VPS13C: variants seen among roughly 807,000 people sequenced by gnomAD.
VPS13C encodes the protein intermembrane lipid transfer protein VPS13C.
In VPS13C, 358 loss-of-function variants were observed where a neutral mutation model predicts 456.8. The observed-to-expected ratio is 0.78, with a 90% CI of 0.72 to 0.86. The LOEUF is 0.86. VPS13C is among the 40% of genes least tolerant of loss of function. VPS13C has a pLI of 0.00. For missense variants in VPS13C, 4,818 were observed against 4,385.4 expected (o/e 1.10, Z -2.79); for synonymous variants, 1,578 against 1,486.7 (o/e 1.06, Z -1.41).
At chr15:61,939,526 T>C (rs1334885630) in intron 47 of VPS13C, among the ~76,000 whole-genome samples, 1 of 152,102 alleles carries the variant, frequency 6.6e-6, no homozygotes, top group East Asian at 1.9e-4. Context: ...CACTAAATTT[T>C]TGTTTGGTTT....
rs547197539 is a variant in VPS13C, at chr15:61,996,558, T to C, written c.1353+4006A>G. 2.3e-4 allele frequency among the ~76,000 whole-genome samples: 35 copies of C among 152,172 alleles called. 1 individual carries two copies. Among genetic ancestry groups the C allele is most frequent in the Admixed American group, 1.6e-3 (25 of 15,278 alleles). On this transcript the variant is annotated intron_variant, in intron 16 of 84. Coordinates refer to ENST00000644861, the MANE Select transcript of VPS13C (RefSeq NM_020821.3). The stretch of plus-strand genomic sequence containing the variant: ...GTAATCAGATAACTTCGATGTCTGA[T>C]AGCTGGAACTATCAGAGAGGCACTG...
At position 61,915,878 on chromosome 15, in the gene VPS13C, G is replaced by A. The variant is rs200870081; in HGVS notation, c.8200C>T (p.Pro2734Ser). The A allele has an allele frequency of 8.1e-6, 13 of 1,613,932 alleles. No individual in the cohort carries two copies. The highest frequency in any genetic ancestry group is 8.5e-7 in the Non-Finnish European group (1 of 1,179,982). ...NGHFRIRDTL[P>S]EFFPVCFSSD... is the part of the protein sequence containing the mutation. ...GAAAAACACACAGGAAAGAATTCTG[G>A]TAGTGTATCACGTATGCGGAAATGT... Residue 2734 changes from proline (P) to serine (S), a missense_variant, in exon 61 of 85, where the codon CCA becomes TCA. Physicochemically the swap from Pro to Ser is moderately conservative, Grantham distance 74 (BLOSUM62 -1). This residue lies in a region of VPS13C where 4,552 missense variants were observed against 4,130.6 expected (regional missense o/e 1.10). Coordinates refer to ENST00000644861, the MANE Select transcript of VPS13C (RefSeq NM_020821.3).
chr15:61,931,393 C>T, intron 49 of VPS13C, 134 bp from the exon 50 acceptor site: 1 of 826,496 alleles, frequency 1.2e-6, no homozygotes, highest in Non-Finnish European at 1.8e-6. Flanking sequence ...GCTAAAACAT[C>T]TGAATGGAAC....
At chr15:61,876,387 A>G (rs970266733) in intron 75 of VPS13C, among the ~76,000 whole-genome samples, 6 of 152,038 alleles carry the variant, frequency 3.9e-5, no homozygotes, top group Admixed American at 6.6e-5. Flanking sequence ...CTTTACCATC[A>G]TTATTAATAA....
rs1894685991 is a variant in VPS13C, at chr15:61,867,629, G to A, written c.10863+1030C>T. On this transcript the variant is annotated intron_variant, in intron 81 of 84. Transcript: ENST00000644861. This position sits in a 1 kb window ranked among gnomAD's most constrained non-coding sequence, Gnocchi z 5.0. ...ATAAGATAAAATTTTCGAAATGATA[G>A]TAACAGTATCTGCTTCTGAGCTCAA... 7 of 1,133,594 alleles carry A rather than the reference G, an allele frequency of 6.2e-6. No homozygotes were observed. Among genetic ancestry groups the A allele is most frequent in the South Asian group, 3.3e-5 (1 of 30,762 alleles). The allele number at this position is 1,133,594 out of a possible 1,614,324, so 70.2% of individuals were successfully genotyped here. A position where few individuals can be genotyped will look rare whatever the true frequency, so the allele number is the denominator to read the frequency against.
intron 47 of VPS13C, among the ~76,000 whole-genome samples, chr15:61,939,092 T>C (rs553845553): frequency 1.3e-5 from 2 of 152,334 alleles, no homozygotes; most frequent in Admixed American, 6.5e-5. Context: ...ATCCATTATA[T>C]GAAGATACCA....
At chr15:61,857,907 TTGGACTTGTATGGGATGGTCTTGTGCAC>T (rs1251056059) in intron 82 of VPS13C, among the ~76,000 whole-genome samples, 1 of 152,148 alleles carries the variant, frequency 6.6e-6, no homozygotes, top group African/African-American at 2.4e-5. Context: ...CTATTAAATT[TTGGACTTGTATGGGATGGTCTTGTGCAC>T]TGGACAAAGT....
At chr15:62,047,307 G>A (rs932572151) in intron 1 of VPS13C, among the ~76,000 whole-genome samples, 5 of 151,858 alleles carry the variant, frequency 3.3e-5, no homozygotes, top group South Asian at 2.1e-4. Flanking sequence ...GGTGGCATGA[G>A]CCTGTAATCC....
chr15:61,910,346 GT>G, intron 63 of VPS13C, 41 bp from the exon 64 acceptor site: 1 of 1,345,500 alleles, frequency 7.4e-7, no homozygotes. Context: ...AGACAATACC[GT>G]TATATAATAA....
chr15:61,990,665 G>A (rs1448754671), intron 18 of VPS13C, among the ~76,000 whole-genome samples: 2 of 152,056 alleles, frequency 1.3e-5, no homozygotes, highest in Non-Finnish European at 2.9e-5. Flanking sequence ...ACAAAAATTA[G>A]CCAGGCAGGG....
chr15:62,000,879 T>A (rs2046588728), intron 15 of VPS13C, among the ~76,000 whole-genome samples: 1 of 152,184 alleles, frequency 6.6e-6, no homozygotes, highest in Non-Finnish European at 1.5e-5. Flanking sequence ...ACCATTATAA[T>A]TAACACATAG....
intron 5 of VPS13C, among the ~76,000 whole-genome samples, chr15:62,029,472 T>C (rs1383633549): frequency 6.6e-6 from 1 of 152,042 alleles, no homozygotes; most frequent in Non-Finnish European, 1.5e-5. Flanking sequence ...TACCTATGCC[T>C]TCTCTCCTTT....
At chr15:61,953,066 C>T (rs1345360149) in intron 38 of VPS13C, among the ~76,000 whole-genome samples, 1 of 151,630 alleles carries the variant, frequency 6.6e-6, no homozygotes, top group Non-Finnish European at 1.5e-5. Context: ...AAAAACATAA[C>T]CTCTATAAAA....
intron 1 of VPS13C, among the ~76,000 whole-genome samples, chr15:62,056,826 T>C (rs1019171787): frequency 1.3e-5 from 2 of 152,202 alleles, no homozygotes; most frequent in Non-Finnish European, 2.9e-5. Flanking sequence ...GCATAAGCTA[T>C]CTTTCTCTCT....
intron 28 of VPS13C, among the ~76,000 whole-genome samples, chr15:61,968,045 T>C (rs541210509): frequency 2.4e-4 from 37 of 151,982 alleles, no homozygotes; most frequent in Non-Finnish European, 5.0e-4. Context: ...AAGGAAAAAA[T>C]AGCCTAGAAA....
intron 82 of VPS13C, among the ~76,000 whole-genome samples, chr15:61,861,638 G>A (rs1307888757): frequency 6.6e-6 from 1 of 152,096 alleles, no homozygotes; most frequent in Non-Finnish European, 1.5e-5. Context: ...CCAGGAGTTT[G>A]AGTCCAGCCT....
intron 1 of VPS13C, among the ~76,000 whole-genome samples, chr15:62,048,262 C>A (rs964087757): frequency 7.7e-5 from 7 of 90,622 alleles, no homozygotes; most frequent in East Asian, 3.5e-4. Context: ...CCCCACCCCC[C>A]CCAACAGGCC....
At chr15:61,896,281 C>G (rs2042808888) in intron 66 of VPS13C, among the ~76,000 whole-genome samples, 1 of 152,206 alleles carries the variant, frequency 6.6e-6, no homozygotes, top group African/African-American at 2.4e-5. Context: ...CTCCGGTCTA[C>G]AGCTCACAGC....
At chr15:62,000,830 T>C (rs1005014611) in intron 15 of VPS13C, among the ~76,000 whole-genome samples, 1 of 152,228 alleles carries the variant, frequency 6.6e-6, no homozygotes, top group Non-Finnish European at 1.5e-5. Context: ...AGAAAATAAA[T>C]CCTCATTAAA....
Sources: gnomAD v4.1 joint callset for allele counts (sites outside exome capture counted in the v4.1 genomes callset) on GRCh38, gnomAD v4.1.1 for gene constraint, gnomAD v4.1.1 regional missense constraint, Gnocchi (gnomAD v3.1) non-coding constraint, MANE v1.5 for transcripts, NCBI Gene and HGNC (gene_info 2026-07-23, HGNC 2026-07-21) for gene names.